XRN1: variants seen among roughly 807,000 people sequenced by gnomAD.
The protein encoded by XRN1 is 5'-3' exoribonuclease 1.
A neutral mutation model predicts 222.3 loss-of-function variants in XRN1; 67 were observed. That is an observed-to-expected ratio of 0.30 (90% CI 0.25 to 0.37). The LOEUF (loss-of-function observed/expected upper bound fraction) is 0.37, where lower values mean the gene tolerates loss of function less well. Ranked by LOEUF, XRN1 falls within the 10% of genes least tolerant of loss-of-function variation. XRN1 has a pLI of 1.00. For synonymous variants in XRN1, 643 were observed against 652.4 expected, an observed-to-expected ratio of 0.99 and a Z score of 0.22; for missense variants, 1,707 against 2,000.2, an observed-to-expected ratio of 0.85 and a Z score of 2.80.
chr3:142,403,861 C>T lies in XRN1; in HGVS notation c.2004+8G>A. 1.9e-6 allele frequency: 3 copies of T among 1,612,768 alleles called. No homozygotes were observed. Among genetic ancestry groups the T allele is most frequent in the Non-Finnish European group, 2.5e-6 (3 of 1,179,364 alleles). On this transcript the variant is annotated splice_region_variant and intron_variant, in intron 17 of 40. Transcript: ENST00000392981. ...AGTGAAAAAATTCTGAACTAAATAGCCACTGACTTTGTGTCTGATGTGTTT... is the reference window on the plus strand; with the variant it reads ...AGTGAAAAAATTCTGAACTAAATAGTCACTGACTTTGTGTCTGATGTGTTT...
At chr3:142,359,645 A>T (rs2066562301) in intron 30 of XRN1, among the ~76,000 whole-genome samples, 1 of 152,166 alleles carries the variant, frequency 6.6e-6, no homozygotes, top group Admixed American at 6.5e-5. Context: ...TAATTAAATA[A>T]TTAATAATGT....
chr3:142,309,616 AC>A lies in XRN1; in HGVS notation c.*1894del, dbSNP rs1170210900. 1 of 152,224 alleles carries A rather than the reference AC, an allele frequency of 6.6e-6. No individual in the cohort carries two copies. The highest frequency in any genetic ancestry group is 2.4e-5 in the African/African-American group (1 of 41,462). 9.4% of individuals were successfully genotyped at this position (152,224 alleles called of 1,614,324 possible). Reference sequence around the variant, plus strand: ...CTTATGGGTTTAGTGCACTATGTCTACTGAAATTTCCCTTTGGAGTTTTCAG... The same window carrying A: ...CTTATGGGTTTAGTGCACTATGTCTATGAAATTTCCCTTTGGAGTTTTCAG... On this transcript the variant is annotated 3_prime_UTR_variant, in exon 41 of 41. Coordinates refer to ENST00000392981, the MANE Select transcript of XRN1 (RefSeq NM_001282857.2).
intron 29 of XRN1, among the ~76,000 whole-genome samples, chr3:142,360,873 C>CAAA (rs71153960): frequency 0.013 from 1,577 of 118,378 alleles, 28 homozygotes; most frequent in Non-Finnish European, 0.017. Flanking sequence ...GACTCCGTCT[C>CAAA]AAAAAAAAAA....
intron 33 of XRN1, among the ~76,000 whole-genome samples, chr3:142,340,457 GATT>G (rs1357669779): frequency 6.6e-6 from 1 of 151,126 alleles, no homozygotes; most frequent in Non-Finnish European, 1.5e-5. Context: ...GCAAATCTAA[GATT>G]ATTAGCCTTA....
intron 27 of XRN1, among the ~76,000 whole-genome samples, chr3:142,370,204 T>G (rs1455650329): frequency 6.6e-6 from 1 of 152,188 alleles, no homozygotes; most frequent in Non-Finnish European, 1.5e-5. Flanking sequence ...CTATGGCTTT[T>G]GTATATTGAA....
rs539820902 is a variant in XRN1, at chr3:142,384,521, A to G, written c.2502+2T>C. 6.2e-7 allele frequency: 1 copy of G among 1,609,212 alleles called. No individual in the cohort carries two copies. Among genetic ancestry groups the G allele is most frequent in the African/African-American group, 1.3e-5 (1 of 74,900 alleles). Reference sequence around the variant, plus strand: ...CAGAATTGAAACTTGATATAGACTTACCTTGACAATAGTTTGATAAACAAA... The same window carrying G: ...CAGAATTGAAACTTGATATAGACTTGCCTTGACAATAGTTTGATAAACAAA... On this transcript the variant is annotated splice_donor_variant, in intron 21 of 40. Transcript: ENST00000392981. LOFTEE classifies it high-confidence loss of function.
intron 34 of XRN1, among the ~76,000 whole-genome samples, chr3:142,334,295 T>C (rs943457146): frequency 1.3e-5 from 2 of 152,106 alleles, no homozygotes; most frequent in Admixed American, 6.5e-5. Flanking sequence ...TAAACATTAA[T>C]GGGTTCCATT....
intron 15 of XRN1, among the ~76,000 whole-genome samples, chr3:142,405,516 C>CA (rs1553738202): frequency 1.3e-5 from 2 of 151,824 alleles, no homozygotes; most frequent in African/African-American, 4.8e-5. Flanking sequence ...TTTAAAATAT[C>CA]TTTTTTTTAA....
At chr3:142,343,593 T>A (rs952385770) in intron 33 of XRN1, among the ~76,000 whole-genome samples, 1 of 151,904 alleles carries the variant, frequency 6.6e-6, no homozygotes, top group Non-Finnish European at 1.5e-5. Context: ...CAAACGCTGG[T>A]GAGGATGTGG....
chr3:142,444,201 T>C (rs1169579399), intron 1 of XRN1, among the ~76,000 whole-genome samples: 3 of 152,258 alleles, frequency 2.0e-5, no homozygotes, highest in South Asian at 2.1e-4. Flanking sequence ...TCCCAGCACT[T>C]TGGGAGGCCG....
chr3:142,379,195 A>G (rs2067229279), intron 23 of XRN1, among the ~76,000 whole-genome samples: 1 of 152,018 alleles, frequency 6.6e-6, no homozygotes, highest in African/African-American at 2.4e-5. Flanking sequence ...CACTTGAACC[A>G]GGGAGGCAGA....
chr3:142,396,226 T>C (rs1200011008), intron 20 of XRN1, among the ~76,000 whole-genome samples: 5 of 152,252 alleles, frequency 3.3e-5, no homozygotes, highest in African/African-American at 1.2e-4. Context: ...CTAAACACTT[T>C]ACCCGAAGTA....
At position 142,448,016 on chromosome 3, in the gene XRN1, C is replaced by T. The variant is rs930047862; in HGVS notation, c.-72G>A. The T allele has an allele frequency of 2.6e-6, 4 of 1,515,416 alleles. No individual in the cohort carries two copies. In the East Asian group the frequency reaches 9.1e-5, roughly 35 times the overall value. 93.9% of individuals were successfully genotyped at this position (1,515,416 alleles called of 1,614,324 possible). Reference sequence around the variant, plus strand: ...CGCCCCGCCGGGGCTCCGCCGCAGCCTCCGGTCGTCGCTCCGCGGATGACA... The same window carrying T: ...CGCCCCGCCGGGGCTCCGCCGCAGCTTCCGGTCGTCGCTCCGCGGATGACA... On this transcript the variant is annotated 5_prime_UTR_variant, in exon 1 of 41. Transcript: ENST00000392981.
rs147748250 is a variant in XRN1, at chr3:142,419,317, AG to A, written c.1174-437del. The stretch of plus-strand genomic sequence containing the variant: ...AAAAAGTTGCAGAGCCCGTTTTCTT[AG>A]GGGGGGAAAAAAAAAGACACACACA... On this transcript the variant is annotated intron_variant, in intron 10 of 40. Transcript: ENST00000392981. 3.8e-3 allele frequency among the ~76,000 whole-genome samples: 573 copies of A among 151,730 alleles called. 5 individuals carry two copies. Among genetic ancestry groups the A allele is most frequent in the African/African-American group, 0.013 (551 of 41,264 alleles).
intron 33 of XRN1, among the ~76,000 whole-genome samples, chr3:142,339,373 T>C (rs1421999994): frequency 9.2e-5 from 14 of 152,184 alleles, no homozygotes; most frequent in Admixed American, 9.2e-4. Context: ...ATTATTGGTC[T>C]AGGTGTGCTC....
At chr3:142,421,574 A>T in intron 8 of XRN1, 31 bp from the exon 9 acceptor site, 1 of 1,489,306 alleles carries the variant, frequency 6.7e-7, no homozygotes, top group Non-Finnish European at 9.2e-7. Flanking sequence ...AATCTGTACT[A>T]AAAGCTGACA....
chr3:142,376,623 T>C (rs1341013052), intron 23 of XRN1, 29 bp from the exon 24 acceptor site: 3 of 1,473,500 alleles, frequency 2.0e-6, no homozygotes, highest in Admixed American at 3.6e-5. Context: ...AAAGGTCAAT[T>C]ATGGAAACAC....
rs759562666 is a variant in XRN1, at chr3:142,422,600, T to C, written c.949A>G (p.Ile317Val). 26 of 1,613,326 alleles carry C rather than the reference T, an allele frequency of 1.6e-5. No homozygotes were observed. The highest frequency in any genetic ancestry group is 2.1e-5 in the Non-Finnish European group (25 of 1,179,756). The change falls in exon 8 of 41, where the codon ATC becomes GTC. Residue 317 changes from isoleucine to valine, a missense_variant. Physicochemically the swap from Ile to Val is conservative, Grantham distance 29 (BLOSUM62 3). Coordinates refer to ENST00000392981, the MANE Select transcript of XRN1 (RefSeq NM_001282857.2). ...LPLLYGTYVT[I>V]LPELGGYINE... ...TTCTTACCCCCAAGTTCTGGCAGGA[T>C]GGTAACATATGTTCCATAAAGAAGA...
Position 142,332,364 on chromosome 3 carries a change from A to C in XRN1, c.4222+11T>G. 1 of 1,554,232 alleles carries C rather than the reference A, an allele frequency of 6.4e-7. No individual in the cohort carries two copies. Among genetic ancestry groups the C allele is most frequent in the Non-Finnish European group, 8.8e-7 (1 of 1,137,574 alleles). ...AATGATATTATTGGTAATAGTATTT[A>C]GTTTACTTACCTAATTTCTTATTTT... On this transcript the variant is annotated intron_variant, in intron 36 of 40. Coordinates refer to ENST00000392981, the MANE Select transcript of XRN1 (RefSeq NM_001282857.2).
Sources: gnomAD v4.1 joint callset for allele counts (sites outside exome capture counted in the v4.1 genomes callset) on GRCh38, gnomAD v4.1.1 for gene constraint, MANE v1.5 for transcripts, NCBI Gene and HGNC (gene_info 2026-07-23, HGNC 2026-07-21) for gene names.